The following COL25A1 variants were observed in gnomAD, a reference collection of about 807,000 sequenced individuals.
COL25A1 encodes collagen type XXV alpha 1 chain.
Under a neutral mutation model 128.4 loss-of-function variants are expected in COL25A1, and 103 were observed. The observed-to-expected ratio is 0.80, with a 90% CI of 0.68 to 0.94. The LOEUF (loss-of-function observed/expected upper bound fraction) is 0.94. COL25A1 is among the 40% of genes least tolerant of loss of function. The pLI is 0.00. For missense variants in COL25A1, 745 were observed against 840.0 expected (o/e 0.89, Z 1.40); for synonymous variants, 279 against 277.2 (o/e 1.01, Z -0.06).
At chr4:109,205,548 A>T (rs1776908948) in intron 3 of COL25A1, among the ~76,000 whole-genome samples, 2 of 152,168 alleles carry the variant, frequency 1.3e-5, no homozygotes, top group Admixed American at 1.3e-4. Context: ...CTTAGACAAT[A>T]AAACGAAAGC....
intron 6 of COL25A1, among the ~76,000 whole-genome samples, chr4:108,990,501 T>C (rs1025112005): frequency 6.6e-6 from 1 of 151,816 alleles, no homozygotes; most frequent in Admixed American, 6.6e-5. Flanking sequence ...TATAACCATA[T>C]CTAACAGTGA....
Position 109,301,886 on chromosome 4 carries a change from G to A in COL25A1, c.134C>T (p.Ala45Val). The A allele has an allele frequency of 6.2e-7, 1 of 1,614,162 alleles. No individual in the cohort carries two copies. The highest frequency in any genetic ancestry group is 8.5e-7 in the Non-Finnish European group (1 of 1,180,040). Residue 45 changes from alanine (A) to valine (V), a missense_variant, in exon 2 of 38, where the codon GCC (alanine) becomes GTC (valine). Ala to Val is a moderately conservative substitution (Grantham distance 64, BLOSUM62 0). This residue lies in a region of COL25A1 where 319 missense variants were observed against 324.9 expected (regional missense o/e 0.98). Coordinates refer to ENST00000399132, the MANE Select transcript of COL25A1 (RefSeq NM_198721.4). ...AVLAALLSVVAVVSCLYLGVK... is the reference protein window; with the variant it reads ...AVLAALLSVVVVVSCLYLGVK... ...ACCCAGGTACAGGCAAGACACCACG[G>A]CCACCACTGACAGGAGGGCCGCCAG...
chr4:109,282,627 T>C (rs1441338722), intron 3 of COL25A1, among the ~76,000 whole-genome samples: 2 of 152,224 alleles, frequency 1.3e-5, no homozygotes, highest in Admixed American at 1.3e-4. Flanking sequence ...TATACTATGG[T>C]TATATCACCC....
intron 5 of COL25A1, among the ~76,000 whole-genome samples, chr4:109,044,857 A>G (rs1419552537): frequency 6.6e-6 from 1 of 152,234 alleles, no homozygotes; most frequent in Non-Finnish European, 1.5e-5. Context: ...TTCTCTAAAA[A>G]TTAAAATTAC....
intron 10 of COL25A1, among the ~76,000 whole-genome samples, chr4:108,939,780 T>G (rs1039766625): frequency 6.6e-6 from 1 of 152,104 alleles, no homozygotes; most frequent in Non-Finnish European, 1.5e-5. Flanking sequence ...AAATCTAAAA[T>G]TTTTGACCTT....
At chr4:109,201,684 G>C (rs535707374) in intron 3 of COL25A1, among the ~76,000 whole-genome samples, 1 of 152,168 alleles carries the variant, frequency 6.6e-6, no homozygotes, top group Non-Finnish European at 1.5e-5. Flanking sequence ...AGACTGGGAA[G>C]GAAAACTTAC....
At chr4:108,865,462 T>C (rs1215108746) in intron 20 of COL25A1, among the ~76,000 whole-genome samples, 1 of 151,958 alleles carries the variant, frequency 6.6e-6, no homozygotes, top group Non-Finnish European at 1.5e-5. Flanking sequence ...AATGGAGAGG[T>C]TGGGAGAAAG....
intron 3 of COL25A1, among the ~76,000 whole-genome samples, chr4:109,096,059 T>C (rs758446999): frequency 3.3e-5 from 5 of 152,206 alleles, no homozygotes; most frequent in Non-Finnish European, 5.9e-5. Context: ...GTTAGACAGC[T>C]ATAGAACAAT....
intron 3 of COL25A1, among the ~76,000 whole-genome samples, chr4:109,277,381 G>A (rs1331945504): frequency 6.6e-6 from 1 of 152,160 alleles, no homozygotes; most frequent in Non-Finnish European, 1.5e-5. Flanking sequence ...ACAAGCAGTT[G>A]CTTCAAGTAA....
intron 31 of COL25A1, among the ~76,000 whole-genome samples, chr4:108,837,149 C>A (rs1367540934): frequency 2.0e-5 from 3 of 152,158 alleles, no homozygotes; most frequent in Admixed American, 1.3e-4. Context: ...AAATAAATAA[C>A]TATTGACCAT....
Position 109,080,738 on chromosome 4 carries a change from T to A in COL25A1, c.368-30559A>T, listed in dbSNP as rs182281102. Among the ~76,000 whole-genome samples the A allele has an allele frequency of 2.1e-3, 324 of 152,332 alleles. 3 individuals carry two copies. The highest frequency in any genetic ancestry group is 7.6e-3 in the African/African-American group (316 of 41,582). ...TAAACGGCTTCCTATTTATTACTATTCTTTCACAATTGTACATAATTAGAT... is the reference window on the plus strand; with the variant it reads ...TAAACGGCTTCCTATTTATTACTATACTTTCACAATTGTACATAATTAGAT... On this transcript the variant is annotated intron_variant, in intron 3 of 37. Coordinates refer to ENST00000399132, the MANE Select transcript of COL25A1 (RefSeq NM_198721.4).
At chr4:109,195,000 G>A (rs1393480803) in intron 3 of COL25A1, among the ~76,000 whole-genome samples, 1 of 152,150 alleles carries the variant, frequency 6.6e-6, no homozygotes, top group Non-Finnish European at 1.5e-5. Flanking sequence ...ATAAGTGCTT[G>A]AGGGGATAGA....
At chr4:109,254,094 A>G (rs1578558546) in intron 3 of COL25A1, among the ~76,000 whole-genome samples, 1 of 152,036 alleles carries the variant, frequency 6.6e-6, no homozygotes, top group East Asian at 1.9e-4. Flanking sequence ...CTCAAGAAAA[A>G]AAAAAAAAAA....
chr4:109,229,373 G>A (rs751544997), intron 3 of COL25A1, among the ~76,000 whole-genome samples: 3 of 152,022 alleles, frequency 2.0e-5, no homozygotes, highest in Admixed American at 2.0e-4. Flanking sequence ...CAACATTTTC[G>A]GCAACCATTC....
In COL25A1 at chr4:108,869,081, C is replaced by A. The variant is rs184932120; in HGVS notation, c.1083+7G>T. 1.5e-5 allele frequency: 23 copies of A among 1,553,930 alleles called. No individual in the cohort carries two copies. In the East Asian group the frequency reaches 4.8e-4, roughly 32 times the overall value. On this transcript the variant is annotated splice_region_variant and intron_variant, in intron 20 of 37. Transcript: ENST00000399132. ...AAAGAAAGAAGGAAAGAAAGAGGCC[C>A]ACTTACTTTTGTTCCTGGTAAACCT...
chr4:108,943,017 A>T (rs59468801), intron 8 of COL25A1, among the ~76,000 whole-genome samples: 6,660 of 152,130 alleles, frequency 0.044, 368 homozygotes, highest in African/African-American at 0.13. Flanking sequence ...CGGCCTCCCA[A>T]AGTGCTGGGA....
intron 3 of COL25A1, among the ~76,000 whole-genome samples, chr4:109,190,232 C>T (rs923996081): frequency 9.9e-5 from 15 of 151,938 alleles, no homozygotes; most frequent in Non-Finnish European, 2.2e-4. Flanking sequence ...TAATAGAAGA[C>T]ATAATCAAAG....
At chr4:108,820,607 C>A (rs889121874) in intron 35 of COL25A1, among the ~76,000 whole-genome samples, 2 of 151,872 alleles carry the variant, frequency 1.3e-5, no homozygotes, top group African/African-American at 4.8e-5. Context: ...ACTGGAGAAA[C>A]AGACTTATTT....
chr4:109,012,523 C>T (rs969445431), intron 5 of COL25A1, among the ~76,000 whole-genome samples: 4 of 152,158 alleles, frequency 2.6e-5, no homozygotes, highest in African/African-American at 9.6e-5. Flanking sequence ...CGTGGGCCAG[C>T]GCGAGTTCCA....
Sources: gnomAD v4.1 joint callset for allele counts (sites outside exome capture counted in the v4.1 genomes callset) on GRCh38, gnomAD v4.1.1 for gene constraint, gnomAD v4.1.1 regional missense constraint, MANE v1.5 for transcripts, NCBI Gene and HGNC (gene_info 2026-07-23, HGNC 2026-07-21) for gene names.